The following DENND5A variants were observed in gnomAD, a reference collection of about 807,000 sequenced individuals.
DENND5A encodes DENN domain containing 5A.
A neutral mutation model predicts 140.3 loss-of-function variants in DENND5A; 64 were observed. The observed-to-expected ratio is 0.46, with a 90% CI of 0.37 to 0.56. The LOEUF (loss-of-function observed/expected upper bound fraction) is 0.56, where lower values mean the gene tolerates loss of function less well. Among genes scored for constraint, DENND5A ranks in the 20% least tolerant of loss-of-function variants. The pLI, the probability that DENND5A is intolerant of heterozygous loss-of-function variation, is 0.00. For synonymous variants in DENND5A, 605 were observed against 607.7 expected, an observed-to-expected ratio of 1.00 and a Z score of 0.07; for missense variants, 1,292 against 1,593.8, an observed-to-expected ratio of 0.81 and a Z score of 3.22.
intron 9 of DENND5A, 111 bp downstream of exon 9, chr11:9,170,516 T>A: frequency 7.5e-7 from 1 of 1,340,754 alleles, no homozygotes. Flanking sequence ...CTTCTCCATA[T>A]CTGCTTTAGA....
chr11:9,186,598 A>G (rs1848921350), intron 5 of DENND5A, among the ~76,000 whole-genome samples: 1 of 152,256 alleles, frequency 6.6e-6, no homozygotes, highest in Non-Finnish European at 1.5e-5. Flanking sequence ...TAGAGTCTGT[A>G]AAGAATCTTT....
chr11:9,263,463 C>T (rs1852297526), intron 1 of DENND5A, among the ~76,000 whole-genome samples: 2 of 151,670 alleles, frequency 1.3e-5, no homozygotes. Context: ...CTCAGGTGAC[C>T]CGCCCGCCTC....
chr11:9,184,786 T>C (rs1313148151), intron 5 of DENND5A, among the ~76,000 whole-genome samples: 1 of 152,244 alleles, frequency 6.6e-6, no homozygotes, highest in Non-Finnish European at 1.5e-5. Context: ...TATCACCTTC[T>C]TACCCACTTG....
Position 9,143,440 on chromosome 11 carries a change from T to C in DENND5A, c.3350A>G (p.Asn1117Ser), listed in dbSNP as rs767982228. ...QIQESIGEAV[N>S]GIVKHFHKPE... ...CTTATGGAAGTGCTTCACAATGCCA[T>C]TGACTGCCTCCCCGATGGACTCCTG... is the stretch of plus-strand genomic sequence containing the variant. Residue 1117 changes from asparagine to serine, a missense_variant, in exon 20 of 23, where the codon AAT (asparagine) becomes AGT (serine). Around this residue, in one of 4 missense-constraint regions of DENND5A, gnomAD observed 498 missense variants for 689.7 expected, o/e 0.72. Transcript: ENST00000328194. 11 of 1,614,126 alleles carry C rather than the reference T, an allele frequency of 6.8e-6. No individual in the cohort carries two copies. The highest frequency in any genetic ancestry group is 2.2e-5 in the South Asian group (2 of 91,088).
At position 9,164,066 on chromosome 11, in the gene DENND5A, T is replaced by G. The variant is rs1022655310; in HGVS notation, c.2283+1770A>C. 7.9e-3 allele frequency among the ~76,000 whole-genome samples: 678 copies of G among 86,024 alleles called. 17 individuals are homozygous for G. Among genetic ancestry groups the G allele is most frequent in the African/African-American group, 0.028 (654 of 23,308 alleles). The allele number at this position is 86,024 out of a possible 152,430, so 56.4% of individuals were successfully genotyped here. The stretch of plus-strand genomic sequence containing the variant: ...TGATATATTAATCAGGTTTTTTTTT[T>G]TTTTTTTTTTTTTTTTTTTTTTTGA... On this transcript the variant is annotated intron_variant, in intron 11 of 22. Transcript: ENST00000328194.
At chr11:9,188,597 C>A (rs1162840802) in intron 5 of DENND5A, among the ~76,000 whole-genome samples, 2 of 152,108 alleles carry the variant, frequency 1.3e-5, no homozygotes, top group African/African-American at 2.4e-5. Context: ...GAAATCCAGG[C>A]TGAGGTGGTT....
chr11:9,242,014 CAAAAAAAAAAAAA>C (rs965240891), intron 1 of DENND5A, among the ~76,000 whole-genome samples: 1 of 58,168 alleles, frequency 1.7e-5, no homozygotes, highest in African/African-American at 6.2e-5. Context: ...AACTCCGTCT[CAAAAAAAAAAAAA>C]AAAAAAAAAG....
chr11:9,142,506 T>A (rs938147336), intron 21 of DENND5A, among the ~76,000 whole-genome samples: 1 of 152,174 alleles, frequency 6.6e-6, no homozygotes, highest in African/African-American at 2.4e-5. Flanking sequence ...TCTAGAAGAA[T>A]CTTTTCTGTG....
In DENND5A at chr11:9,265,246, G is replaced by A. The variant is rs1430789517; in HGVS notation, c.-177C>T. On this transcript the variant is annotated 5_prime_UTR_variant, in exon 1 of 23. Transcript: ENST00000328194. The surrounding 1 kb of genome is among the most constrained non-coding windows in gnomAD (Gnocchi z 4.7). ...CCGCCGCGGCTGCCGTGACGGGGCGGGGGGGCACCGGGCCGCCCCGCACCG... is the reference window on the plus strand; with the variant it reads ...CCGCCGCGGCTGCCGTGACGGGGCGAGGGGGCACCGGGCCGCCCCGCACCG... 2 of 259,770 alleles carry A rather than the reference G, an allele frequency of 7.7e-6. No homozygotes were observed. The highest frequency in any genetic ancestry group is 1.4e-4 in the East Asian group (2 of 14,494). 16.1% of individuals were successfully genotyped at this position (259,770 alleles called of 1,614,324 possible). A position where few individuals can be genotyped will look rare whatever the true frequency, so the allele number is the denominator to read the frequency against.
At chr11:9,198,828 T>C (rs920336405) in intron 4 of DENND5A, among the ~76,000 whole-genome samples, 3 of 151,182 alleles carry the variant, frequency 2.0e-5, no homozygotes, top group Non-Finnish European at 4.4e-5. Flanking sequence ...CCCAGCACTT[T>C]GGGAGGCTGA....
intron 5 of DENND5A, among the ~76,000 whole-genome samples, chr11:9,186,966 C>T (rs1590248495): frequency 2.0e-5 from 3 of 152,110 alleles, no homozygotes; most frequent in African/African-American, 7.2e-5. Context: ...TGCCTGTAAT[C>T]CCAGCTACTC....
chr11:9,241,221 T>C (rs1227769636), intron 1 of DENND5A, among the ~76,000 whole-genome samples: 1 of 152,168 alleles, frequency 6.6e-6, no homozygotes, highest in Admixed American at 6.6e-5. Context: ...TTTGCAGTCA[T>C]GTAGGTGCGT....
intron 1 of DENND5A, among the ~76,000 whole-genome samples, chr11:9,240,468 G>A (rs1434827819): frequency 6.6e-6 from 1 of 151,986 alleles, no homozygotes; most frequent in Non-Finnish European, 1.5e-5. Context: ...CCAACACTTT[G>A]GGAGGCCAAA....
At chr11:9,221,207 G>T (rs942798272) in intron 1 of DENND5A, among the ~76,000 whole-genome samples, 1 of 151,762 alleles carries the variant, frequency 6.6e-6, no homozygotes, top group Non-Finnish European at 1.5e-5. Flanking sequence ...AAGGCAGGTG[G>T]ATCACCTGAA....
At chr11:9,229,701 T>C (rs528821919) in intron 1 of DENND5A, among the ~76,000 whole-genome samples, 1 of 152,230 alleles carries the variant, frequency 6.6e-6, no homozygotes, top group South Asian at 2.1e-4. Flanking sequence ...GAAGGAATGC[T>C]GCACAGAGTC....
intron 20 of DENND5A, chr11:9,143,120 A>G (rs1295379997): frequency 1.7e-6 from 1 of 585,618 alleles, no homozygotes; most frequent in Non-Finnish European, 3.0e-6. Context: ...CTATTCAAGG[A>G]GACCCAGGCA....
Position 9,168,166 on chromosome 11 carries a change from A to C in DENND5A, c.2151+1690T>G, listed in dbSNP as rs561915467. 2.5e-4 allele frequency among the ~76,000 whole-genome samples: 37 copies of C among 150,440 alleles called. No individual in the cohort carries two copies. In the South Asian group the frequency reaches 7.8e-3, roughly 32 times the overall value. ...TATGGTTTGGCTGTGACCCCATCCA[A>C]ATCTCATCTTGAATTGTAGCTCCTA... On this transcript the variant is annotated intron_variant, in intron 10 of 22. Coordinates refer to ENST00000328194, the MANE Select transcript of DENND5A (RefSeq NM_015213.4).
At chr11:9,233,718 C>T (rs2136257186) in intron 1 of DENND5A, among the ~76,000 whole-genome samples, 1 of 152,192 alleles carries the variant, frequency 6.6e-6, no homozygotes, top group South Asian at 2.1e-4. Context: ...AAGCATAATG[C>T]CAACAGTCAC....
Position 9,150,188 on chromosome 11 carries a change from T to C in DENND5A, c.2628A>G (p.Glu876=). The change falls in exon 15 of 23, where the codon GAA becomes GAG. Residue 876 remains glutamate (E), a synonymous_variant. Coordinates refer to ENST00000328194, the MANE Select transcript of DENND5A (RefSeq NM_015213.4). The part of the protein sequence containing the change: ...QDMRHIQNIG[E]IKTDVGKARA... ...TGGCCTTTCCCACATCAGTCTTGATTTCCCCGATGTTCTGGATGTGCCTGG... is the reference window on the plus strand; with the variant it reads ...TGGCCTTTCCCACATCAGTCTTGATCTCCCCGATGTTCTGGATGTGCCTGG... The C allele has an allele frequency of 6.2e-7, 1 of 1,613,822 alleles. No homozygotes were observed. Among genetic ancestry groups the C allele is most frequent in the Non-Finnish European group, 8.5e-7 (1 of 1,179,806 alleles).
Sources: gnomAD v4.1 joint callset for allele counts (sites outside exome capture counted in the v4.1 genomes callset) on GRCh38, gnomAD v4.1.1 for gene constraint, gnomAD v4.1.1 regional missense constraint, Gnocchi (gnomAD v3.1) non-coding constraint, MANE v1.5 for transcripts, NCBI Gene and HGNC (gene_info 2026-07-23, HGNC 2026-07-21) for gene names.